The following PLD1 variants were observed in gnomAD, a reference collection of about 807,000 sequenced individuals.
The protein encoded by PLD1 is phospholipase D1.
A neutral mutation model predicts 137.1 loss-of-function variants in PLD1; 112 were observed. The ratio of observed to expected loss-of-function variants is 0.82; its 90% CI spans 0.70 to 0.96. PLD1 has a LOEUF of 0.96. Among genes scored for constraint, PLD1 ranks in the 40% least tolerant of loss-of-function variants. The pLI, the probability that PLD1 is intolerant of heterozygous loss-of-function variation, is 0.00. For synonymous variants in PLD1, 431 were observed against 454.7 expected (o/e 0.95, Z 0.66); for missense variants, 1,321 against 1,342.0 (o/e 0.98, Z 0.24).
chr3:171,632,863 C>CAG (rs1441579283), intron 23 of PLD1, among the ~76,000 whole-genome samples: 5 of 152,180 alleles, frequency 3.3e-5, no homozygotes, highest in African/African-American at 1.2e-4. Flanking sequence ...AGCAGGCCTA[C>CAG]AGAGTATCAG....
chr3:171,713,896 G>C lies in PLD1; in HGVS notation c.908C>G (p.Ser303Ter). ...TTTAAATATTTGAAATGTGTACCTTGAAAGATTATCAATTCGGATTCCATA... is the reference window on the plus strand; with the variant it reads ...TTTAAATATTTGAAATGTGTACCTTCAAAGATTATCAATTCGGATTCCATA... ...TKYGIRIDNL[S>*]RTLILKCNSY... is the part of the protein sequence containing the mutation. The change falls in exon 9 of 27, where the codon TCA (serine) becomes TGA (stop). Residue 303 changes from serine to a stop codon, truncating the protein, a stop_gained. Transcript: ENST00000351298. LOFTEE classifies it high-confidence loss of function. 1 of 1,610,850 alleles carries C rather than the reference G, an allele frequency of 6.2e-7. No homozygotes were observed. Among genetic ancestry groups the C allele is most frequent in the Non-Finnish European group, 8.5e-7 (1 of 1,177,392 alleles).
At chr3:171,796,121 C>T (rs1723424653) in intron 1 of PLD1, among the ~76,000 whole-genome samples, 1 of 152,194 alleles carries the variant, frequency 6.6e-6, no homozygotes, top group Non-Finnish European at 1.5e-5. Flanking sequence ...CAAACATTTG[C>T]TGTCCACTTT....
intron 21 of PLD1, among the ~76,000 whole-genome samples, chr3:171,652,478 C>CCAACATGT (rs1560182748): frequency 5.3e-5 from 8 of 151,600 alleles, no homozygotes; most frequent in Admixed American, 5.3e-4. Flanking sequence ...TGAAACAAGC[C>CCAACATGT]CAACATGTCT....
At chr3:171,810,058 A>C (rs1011516357) in intron 1 of PLD1, 1 of 152,226 alleles carries the variant, frequency 6.6e-6, no homozygotes, top group African/African-American at 2.4e-5. Context: ...CACACACTGC[A>C]CCCGAAGCCC....
chr3:171,649,824 A>G (rs1736572733), intron 21 of PLD1, among the ~76,000 whole-genome samples: 1 of 145,706 alleles, frequency 6.9e-6, no homozygotes, highest in South Asian at 2.1e-4. Context: ...AATTGGAAAT[A>G]AATGTCCAAT....
At chr3:171,725,262 A>G (rs992784161) in intron 7 of PLD1, among the ~76,000 whole-genome samples, 1 of 151,988 alleles carries the variant, frequency 6.6e-6, no homozygotes, top group Admixed American at 6.6e-5. Context: ...ACTAAAAAAG[A>G]CTCCATGCAT....
At chr3:171,806,602 T>G (rs1288446343) in intron 1 of PLD1, among the ~76,000 whole-genome samples, 1 of 152,222 alleles carries the variant, frequency 6.6e-6, no homozygotes, top group Non-Finnish European at 1.5e-5. Context: ...ACACAATGAC[T>G]CAGCCTAACT....
chr3:171,776,212 G>A (rs1223579445), intron 1 of PLD1, among the ~76,000 whole-genome samples: 7 of 152,124 alleles, frequency 4.6e-5, no homozygotes, highest in Admixed American at 3.9e-4. Context: ...GTGCTGCAGC[G>A]GACGGTGGTA....
At chr3:171,625,262 G>A (rs1733999621) in intron 23 of PLD1, among the ~76,000 whole-genome samples, 1 of 152,230 alleles carries the variant, frequency 6.6e-6, no homozygotes, top group Non-Finnish European at 1.5e-5. Context: ...TAGCACAGCA[G>A]TCTGAGATCA....
intron 21 of PLD1, among the ~76,000 whole-genome samples, chr3:171,654,501 C>T (rs1737036330): frequency 6.6e-6 from 1 of 152,092 alleles, no homozygotes; most frequent in Admixed American, 6.6e-5. Context: ...TGACTTTCTA[C>T]CAAAGCAGAA....
intron 9 of PLD1, among the ~76,000 whole-genome samples, chr3:171,710,120 T>C (rs1396466605): frequency 1.3e-5 from 2 of 152,122 alleles, no homozygotes; most frequent in African/African-American, 4.8e-5. Flanking sequence ...TGGAGTGCAG[T>C]GGCGCGATCT....
intron 1 of PLD1, among the ~76,000 whole-genome samples, chr3:171,801,629 G>A (rs561106518): frequency 1.4e-4 from 22 of 152,190 alleles, no homozygotes; most frequent in Admixed American, 7.8e-4. Flanking sequence ...AGGTTTCACC[G>A]TGTTGGTCAG....
At chr3:171,682,503 A>AC (rs1714117522) in intron 16 of PLD1, among the ~76,000 whole-genome samples, 1 of 152,254 alleles carries the variant, frequency 6.6e-6, no homozygotes, top group Non-Finnish European at 1.5e-5. Context: ...AGGAAAAGGA[A>AC]GTCATTAACT....
intron 1 of PLD1, among the ~76,000 whole-genome samples, chr3:171,739,495 T>C (rs1367503736): frequency 6.6e-6 from 1 of 152,150 alleles, no homozygotes; most frequent in Admixed American, 6.5e-5. Flanking sequence ...GGAGCCAAAT[T>C]TGTGGCCTAC....
chr3:171,625,517 G>A (rs372120302), intron 23 of PLD1, among the ~76,000 whole-genome samples: 12 of 152,336 alleles, frequency 7.9e-5, no homozygotes, highest in East Asian at 7.7e-4. Flanking sequence ...CTCCCAGCAC[G>A]CAGCTGGAGA....
At chr3:171,787,467 A>G (rs1242340981) in intron 1 of PLD1, among the ~76,000 whole-genome samples, 4 of 152,174 alleles carry the variant, frequency 2.6e-5, no homozygotes, top group Admixed American at 6.5e-5. Context: ...TCACATTGCA[A>G]GAGCTGGTTG....
chr3:171,801,952 G>A (rs1031702899), intron 1 of PLD1, among the ~76,000 whole-genome samples: 5 of 152,146 alleles, frequency 3.3e-5, no homozygotes, highest in African/African-American at 7.2e-5. Flanking sequence ...CTCTGAAAAC[G>A]ACAGGAGGCA....
chr3:171,790,726 T>G (rs1723181346), intron 1 of PLD1, among the ~76,000 whole-genome samples: 1 of 152,104 alleles, frequency 6.6e-6, no homozygotes, highest in African/African-American at 2.4e-5. Flanking sequence ...CCAGCAGCCA[T>G]CTCAGACAAG....
At chr3:171,751,068 T>C (rs1013948849) in intron 1 of PLD1, among the ~76,000 whole-genome samples, 67 of 152,008 alleles carry the variant, frequency 4.4e-4, no homozygotes, top group African/African-American at 1.5e-3. Context: ...TGGAGAAAAA[T>C]AAACTGTTTA....
Sources: allele counts gnomAD v4.1 joint callset (sites outside exome capture counted in the v4.1 genomes callset), GRCh38; gene constraint gnomAD v4.1.1; transcripts MANE v1.5; gene names NCBI Gene and HGNC (gene_info 2026-07-23, HGNC 2026-07-21).